GNAT2: variants seen among roughly 807,000 people sequenced by gnomAD.
GNAT2 encodes the protein G protein subunit alpha transducin 2.
In GNAT2, 32 loss-of-function variants were observed where a neutral mutation model predicts 40.9. The ratio of observed to expected loss-of-function variants is 0.78; its 90% CI spans 0.59 to 1.05. GNAT2 has a LOEUF of 1.05. GNAT2 is among the 50% of genes least tolerant of loss of function. The pLI, the probability that GNAT2 is intolerant of heterozygous loss-of-function variation, is 0.00. For missense variants in GNAT2, 355 were observed against 431.5 expected, an observed-to-expected ratio of 0.82 and a Z score of 1.57; for synonymous variants, 141 against 157.2, an observed-to-expected ratio of 0.90 and a Z score of 0.77.
At chr1:109,612,688 A>C (rs1649833213) in intron 2 of GNAT2, 65 bp downstream of exon 2, 1 of 1,002,692 alleles carries the variant, frequency 1.0e-6, no homozygotes, top group South Asian at 1.3e-5. Context: ...GGTAGAACCC[A>C]CCAACCCTTC....
At chr1:109,603,734 G>A (rs1007411992) in intron 8 of GNAT2, 190 bp from the exon 9 acceptor site, 7 of 662,116 alleles carry the variant, frequency 1.1e-5, no homozygotes, top group Non-Finnish European at 1.9e-5. Context: ...TTGAGGAGAG[G>A]TGTCTTTCCA....
At chr1:109,609,997 C>G in intron 4 of GNAT2, 43 bp downstream of exon 4, 2 of 1,600,298 alleles carry the variant, frequency 1.2e-6, no homozygotes, top group Non-Finnish European at 1.7e-6. Context: ...TTCTTGCTAG[C>G]CTTTCTGCTT....
intron 1 of GNAT2, chr1:109,617,754 G>T (rs1403155818): frequency 6.6e-6 from 1 of 152,286 alleles, no homozygotes; most frequent in Non-Finnish European, 1.5e-5. Flanking sequence ...ATTGGCTGCT[G>T]AGGTAGGTAG....
At chr1:109,612,397 G>A in intron 2 of GNAT2, 1 of 350,846 alleles carries the variant, frequency 2.9e-6, no homozygotes, top group South Asian at 2.3e-5. Flanking sequence ...TCTTGGCTTA[G>A]AGTTCTCTGC....
Position 109,603,136 on chromosome 1 carries a change from ACCTGGGGGGTCTTCTAACTACTGG to A in GNAT2, c.*194_*217del, listed in dbSNP as rs146671905. 0.45 allele frequency: 271,766 copies of A among 601,158 alleles called. 65,558 individuals are homozygous for A. Among genetic ancestry groups the A allele is most frequent in the East Asian group, 0.67 (24,000 of 35,772 alleles). 37.2% of individuals were successfully genotyped at this position (601,158 alleles called of 1,614,324 possible). A position where few individuals can be genotyped will look rare whatever the true frequency, so the allele number is the denominator to read the frequency against. On this transcript the variant is annotated 3_prime_UTR_variant, in exon 9 of 9. Transcript: ENST00000679935. ...ATTAAGTTGGAAAACCAGTACTGGA[ACCTGGGGGGTCTTCTAACTACTGG>A]CCTGTGCTCTTTAAGCTGCAATAGC...
rs528785489 is a variant in GNAT2, at chr1:109,606,512, A to G, written c.462-76T>C. On this transcript the variant is annotated intron_variant, in intron 5 of 8. Coordinates refer to ENST00000679935, the MANE Select transcript of GNAT2 (RefSeq NM_001377295.2). ...AGAGACGTAAAAGGTATCTTACCCA[A>G]AGTCACACAGCTAATTTGGTGATAG... 2.2e-5 allele frequency: 26 copies of G among 1,185,948 alleles called. No homozygotes were observed. The South Asian group carries it at 3.0e-4, about 14-fold the overall frequency. 73.5% of individuals were successfully genotyped at this position (1,185,948 alleles called of 1,614,324 possible).
chr1:109,611,885 C>T (rs1393796578), intron 2 of GNAT2: 1 of 152,242 alleles, frequency 6.6e-6, no homozygotes, highest in East Asian at 1.9e-4. Flanking sequence ...GGTGCCTTAG[C>T]CTAGTGCGTC....
chr1:109,617,660 G>A (rs1220492566), intron 1 of GNAT2: 2 of 152,214 alleles, frequency 1.3e-5, no homozygotes, highest in Non-Finnish European at 2.9e-5. Context: ...TGAAGGGTGT[G>A]TTGCAGATGG....
At chr1:109,613,145 G>C (rs1557921685) in intron 1 of GNAT2, 3 of 431,628 alleles carry the variant, frequency 7.0e-6, no homozygotes, top group East Asian at 1.0e-4. Context: ...CCAATTAAGA[G>C]CTTTGTCAAT....
At chr1:109,612,631 T>C (rs1649831708) in intron 2 of GNAT2, 122 bp downstream of exon 2, 1 of 753,476 alleles carries the variant, frequency 1.3e-6, no homozygotes, top group South Asian at 1.4e-5. Context: ...CCAGACTGTG[T>C]AGAGGAGAGG....
intron 3 of GNAT2, 35 bp from the exon 4 acceptor site, chr1:109,610,216 C>G: frequency 6.2e-7 from 1 of 1,610,976 alleles, no homozygotes; most frequent in South Asian, 1.1e-5. Flanking sequence ...TTAGCTGGAC[C>G]TGAGTAACCA....
At chr1:109,605,573 A>G in intron 7 of GNAT2, 1 of 320,480 alleles carries the variant, frequency 3.1e-6, no homozygotes, top group South Asian at 2.7e-5. Context: ...ATGAAGATTC[A>G]TATCATATGT....
chr1:109,603,196 T>C lies in GNAT2; in HGVS notation c.*158A>G. 1.5e-6 allele frequency: 1 copy of C among 660,750 alleles called. No individual in the cohort carries two copies. The highest frequency in any genetic ancestry group is 2.7e-6 in the Non-Finnish European group (1 of 365,696). The allele number at this position is 660,750 out of a possible 1,614,324, so 40.9% of individuals were successfully genotyped here. A position where few individuals can be genotyped will look rare whatever the true frequency, so the allele number is the denominator to read the frequency against. On this transcript the variant is annotated 3_prime_UTR_variant, in exon 9 of 9. Coordinates refer to ENST00000679935, the MANE Select transcript of GNAT2 (RefSeq NM_001377295.2). ...TTAAGCTGCAATAGCTATCCCACTTTGAAAAGAACGTATGAAATACAGTTG... is the reference window on the plus strand; with the variant it reads ...TTAAGCTGCAATAGCTATCCCACTTCGAAAAGAACGTATGAAATACAGTTG...
At chr1:109,608,989 C>T (rs1403657927) in intron 4 of GNAT2, 2 of 637,392 alleles carry the variant, frequency 3.1e-6, no homozygotes, top group African/African-American at 1.8e-5. Flanking sequence ...GGCACTATAC[C>T]CAGCCCTGGG....
intron 4 of GNAT2, chr1:109,609,512 G>T: frequency 4.9e-6 from 1 of 202,208 alleles, no homozygotes; most frequent in South Asian, 8.6e-5. Flanking sequence ...GTGCACACCT[G>T]TGGTCCCACC....
Position 109,604,119 on chromosome 1 carries a change from C to T in GNAT2, c.721-15G>A. Reference sequence around the variant, plus strand: ...TGCATACGATTCTAGTAAGAGGAAACACCATTGGAAATATCAGATTTGGCT... The same window carrying T: ...TGCATACGATTCTAGTAAGAGGAAATACCATTGGAAATATCAGATTTGGCT... On this transcript the variant is annotated splice_polypyrimidine_tract_variant and intron_variant, in intron 7 of 8. Coordinates refer to ENST00000679935, the MANE Select transcript of GNAT2 (RefSeq NM_001377295.2). 1 of 1,600,072 alleles carries T rather than the reference C, an allele frequency of 6.2e-7. No individual in the cohort carries two copies. The highest frequency in any genetic ancestry group is 8.6e-7 in the Non-Finnish European group (1 of 1,167,992).
chr1:109,603,831 C>T (rs1649507788), intron 8 of GNAT2, 120 bp downstream of exon 8: 1 of 808,072 alleles, frequency 1.2e-6, no homozygotes, highest in East Asian at 2.5e-5. Context: ...GAATTTAAAC[C>T]CTGTAACTGT....
intron 2 of GNAT2, 80 bp from the exon 3 acceptor site, chr1:109,610,587 G>T: frequency 8.7e-7 from 1 of 1,153,438 alleles, no homozygotes; most frequent in Non-Finnish European, 1.3e-6. Flanking sequence ...AGAAGTCAGA[G>T]CCACTGCTTG....
chr1:109,606,118 A>G lies in GNAT2; in HGVS notation c.591-19T>C, dbSNP rs769768005. 1 of 1,613,880 alleles carries G rather than the reference A, an allele frequency of 6.2e-7. No individual in the cohort carries two copies. Among genetic ancestry groups the G allele is most frequent in the Non-Finnish European group, 8.5e-7 (1 of 1,179,812 alleles). On this transcript the variant is annotated intron_variant, in intron 6 of 8. Transcript: ENST00000679935. Reference sequence around the variant, plus strand: ...AAACATCCTGAGGGAAGAAGCAGCTATTTTCATAGGTATGCCCAACATACG... The same window carrying G: ...AAACATCCTGAGGGAAGAAGCAGCTGTTTTCATAGGTATGCCCAACATACG...
Sources: gnomAD v4.1 joint callset for allele counts on GRCh38, gnomAD v4.1.1 for gene constraint, MANE v1.5 for transcripts, NCBI Gene and HGNC (gene_info 2026-07-23, HGNC 2026-07-21) for gene names.